The following FBXL17 variants were observed in gnomAD, a reference collection of about 807,000 sequenced individuals.
FBXL17 encodes F-box and leucine rich repeat protein 17, also known as F-box/LRR-repeat protein 17.
FBXL17 carries 22 observed loss-of-function variants against 66.2 expected under a neutral mutation model. That is an observed-to-expected ratio of 0.33 (90% CI 0.24 to 0.47). FBXL17 has a LOEUF of 0.47. FBXL17 is among the 20% of genes least tolerant of loss of function. FBXL17 has a pLI of 1.00. For synonymous variants in FBXL17, 474 were observed against 400.5 expected (o/e 1.18, Z -2.19); for missense variants, 878 against 948.2 (o/e 0.93, Z 0.97).
At chr5:108,352,387 C>A (rs1057261380) in intron 3 of FBXL17, among the ~76,000 whole-genome samples, 1 of 152,182 alleles carries the variant, frequency 6.6e-6, no homozygotes, top group Admixed American at 6.5e-5. Context: ...CATCTATGAC[C>A]CACAGAAAAA....
intron 7 of FBXL17, among the ~76,000 whole-genome samples, chr5:108,008,840 A>C (rs1483752939): frequency 6.6e-6 from 1 of 152,052 alleles, no homozygotes; most frequent in East Asian, 1.9e-4. Context: ...TACAAAGGGC[A>C]AGGAAGGGAT....
intron 4 of FBXL17, among the ~76,000 whole-genome samples, chr5:108,345,149 A>C (rs902981911): frequency 6.6e-6 from 1 of 151,998 alleles, no homozygotes; most frequent in African/African-American, 2.4e-5. Context: ...CCTGACCAAC[A>C]TGGTGAAACG....
chr5:108,371,379 G>C (rs1749029263), intron 1 of FBXL17, among the ~76,000 whole-genome samples: 1 of 152,208 alleles, frequency 6.6e-6, no homozygotes, highest in South Asian at 2.1e-4. Context: ...GTATCTCTGA[G>C]AGAAACTCCA....
chr5:108,229,750 C>T (rs919892050), intron 4 of FBXL17, among the ~76,000 whole-genome samples: 12 of 152,054 alleles, frequency 7.9e-5, no homozygotes, highest in Non-Finnish European at 1.6e-4. Flanking sequence ...TTCTGCACAA[C>T]AAAAGGAAGA....
At chr5:108,019,081 A>G (rs1754488177) in intron 7 of FBXL17, among the ~76,000 whole-genome samples, 1 of 152,158 alleles carries the variant, frequency 6.6e-6, no homozygotes, top group Non-Finnish European at 1.5e-5. Context: ...TTCTAAGTGA[A>G]TCTTGTTTTT....
intron 6 of FBXL17, among the ~76,000 whole-genome samples, chr5:108,113,024 GTCATAC>G (rs1750100376): frequency 2.0e-5 from 3 of 152,098 alleles, no homozygotes; most frequent in Non-Finnish European, 4.4e-5. Flanking sequence ...CAGACAGAAA[GTCATAC>G]TCCTAAAATT....
intron 6 of FBXL17, among the ~76,000 whole-genome samples, chr5:108,027,410 A>G (rs146739779): frequency 1.0e-3 from 152 of 152,286 alleles, no homozygotes; most frequent in African/African-American, 3.4e-3. Context: ...TGATCCATCC[A>G]TTACCATAAC....
chr5:108,214,300 A>AC (rs1193405681), intron 5 of FBXL17, among the ~76,000 whole-genome samples: 1 of 152,028 alleles, frequency 6.6e-6, no homozygotes, highest in Non-Finnish European at 1.5e-5. Context: ...ATTACTGTAT[A>AC]TGTCAAAGAG....
At chr5:108,215,181 A>C (rs143890591) in intron 5 of FBXL17, among the ~76,000 whole-genome samples, 1 of 152,318 alleles carries the variant, frequency 6.6e-6, no homozygotes, top group East Asian at 1.9e-4. Context: ...ATTCATGTAC[A>C]AGTTTCTCTT....
chr5:108,008,710 C>A (rs550022108), intron 7 of FBXL17, among the ~76,000 whole-genome samples: 6 of 152,224 alleles, frequency 3.9e-5, no homozygotes, highest in South Asian at 4.1e-4. Flanking sequence ...ATGCGCGCAG[C>A]TTGGTTGTGA....
At chr5:108,000,652 A>G (rs1753686944) in intron 7 of FBXL17, among the ~76,000 whole-genome samples, 1 of 152,242 alleles carries the variant, frequency 6.6e-6, no homozygotes. Flanking sequence ...TTCTATTAAG[A>G]TAGATATGCC....
intron 6 of FBXL17, among the ~76,000 whole-genome samples, chr5:108,121,922 T>C (rs1388799370): frequency 2.0e-5 from 3 of 152,286 alleles, no homozygotes; most frequent in South Asian, 2.1e-4. Context: ...CAAGAGATAC[T>C]TTGTTACTCT....
intron 6 of FBXL17, among the ~76,000 whole-genome samples, chr5:108,133,454 A>G (rs1263433189): frequency 1.3e-5 from 2 of 152,164 alleles, no homozygotes; most frequent in Non-Finnish European, 1.5e-5. Flanking sequence ...TATGAGAGAA[A>G]TCTTAAGTAT....
chr5:108,239,966 A>C (rs565565509), intron 4 of FBXL17, among the ~76,000 whole-genome samples: 8 of 152,168 alleles, frequency 5.3e-5, no homozygotes, highest in Admixed American at 5.2e-4. Flanking sequence ...GCGAGAAAAG[A>C]ACCTGCCATC....
chr5:108,178,737 A>G lies in FBXL17; in HGVS notation c.1745+7380T>C, dbSNP rs533185788. Among the ~76,000 whole-genome samples the G allele has an allele frequency of 1.2e-4, 18 of 152,342 alleles. No homozygotes were observed. The South Asian group carries it at 3.1e-3, about 26-fold the overall frequency. On this transcript the variant is annotated intron_variant, in intron 6 of 8. Coordinates refer to ENST00000542267, the MANE Select transcript of FBXL17 (RefSeq NM_001163315.3). ...TCTATAGAGGCAAGGCGGTGCTGCT[A>G]TAAATACCACCCCCAAGCAGCTTCA... is the stretch of plus-strand genomic sequence containing the variant.
chr5:108,100,587 G>T (rs899170508), intron 6 of FBXL17, among the ~76,000 whole-genome samples: 1 of 152,086 alleles, frequency 6.6e-6, no homozygotes, highest in African/African-American at 2.4e-5. Flanking sequence ...CAGGAGGCTG[G>T]TTTTATAACA....
At chr5:108,365,429 G>A (rs1748600484) in intron 2 of FBXL17, among the ~76,000 whole-genome samples, 1 of 151,994 alleles carries the variant, frequency 6.6e-6, no homozygotes, top group African/African-American at 2.4e-5. Flanking sequence ...CTGGAGATTG[G>A]GTTATAAAAA....
At chr5:108,362,635 C>T (rs1748415101) in intron 3 of FBXL17, among the ~76,000 whole-genome samples, 1 of 152,002 alleles carries the variant, frequency 6.6e-6, no homozygotes, top group African/African-American at 2.4e-5. Flanking sequence ...CAAAACCAGC[C>T]TGATTTTTTT....
chr5:108,175,518 CAGTA>C (rs908619122), intron 6 of FBXL17, among the ~76,000 whole-genome samples: 2 of 152,148 alleles, frequency 1.3e-5, no homozygotes, highest in African/African-American at 2.4e-5. Flanking sequence ...TTTCATACTT[CAGTA>C]AGTGAGGAGT....
Sources: gnomAD v4.1 joint callset for allele counts (sites outside exome capture counted in the v4.1 genomes callset) on GRCh38, gnomAD v4.1.1 for gene constraint, MANE v1.5 for transcripts, NCBI Gene and HGNC (gene_info 2026-07-23, HGNC 2026-07-21) for gene names.